ZMYM2: variants seen among roughly 807,000 people sequenced by gnomAD.
ZMYM2 encodes the protein zinc finger MYM-type protein 2.
A neutral mutation model predicts 162.8 loss-of-function variants in ZMYM2; 56 were observed. The observed-to-expected ratio is 0.34, with a 90% CI of 0.28 to 0.43. The LOEUF (loss-of-function observed/expected upper bound fraction) is 0.43. Among genes scored for constraint, ZMYM2 ranks in the 20% least tolerant of loss-of-function variants. The pLI is 1.00. For synonymous variants in ZMYM2, 510 were observed against 541.6 expected (o/e 0.94, Z 0.81); for missense variants, 1,275 against 1,621.8 (o/e 0.79, Z 3.67).
the ZMYM2 span, among the ~76,000 whole-genome samples, chr13:19,883,567 TAAC>T: frequency 3.9e-5 from 6 of 152,200 alleles, no homozygotes; most frequent in South Asian, 2.1e-4. Context: ...TGGGCATTCT[TAAC>T]AAATTCTAAG....
intron 2 of ZMYM2, among the ~76,000 whole-genome samples, chr13:19,971,360 T>C (rs1956324216): frequency 7.1e-6 from 1 of 140,982 alleles, no homozygotes; most frequent in African/African-American, 2.7e-5. Context: ...CACCTCTGCC[T>C]CCGGGGTTGA....
intron 19 of ZMYM2, among the ~76,000 whole-genome samples, chr13:20,065,995 CTT>C (rs1439902964): frequency 1.2e-4 from 19 of 152,256 alleles, no homozygotes; most frequent in South Asian, 6.2e-4. Flanking sequence ...AGTTTATTGT[CTT>C]ATATTTATTT....
In ZMYM2 at chr13:19,970,525, GA is replaced by G. The variant is rs371679690; in HGVS notation, c.-11+10500del. On this transcript the variant is annotated intron_variant, in intron 2 of 24. Transcript: ENST00000610343. The stretch of plus-strand genomic sequence containing the variant: ...AGGGAAATGGGCTTGGGGGTGAAGT[GA>G]TTGTCCTATGCACACAAGAAGAGAG... Among the ~76,000 whole-genome samples the G allele has an allele frequency of 1.2e-3, 166 of 144,116 alleles. 1 individual carries two copies. In the Middle Eastern group the frequency reaches 0.019, roughly 16 times the overall value. 94.5% of individuals were successfully genotyped at this position (144,116 alleles called of 152,430 possible).
intron 21 of ZMYM2, among the ~76,000 whole-genome samples, chr13:20,072,799 A>T (rs1957187831): frequency 6.6e-6 from 1 of 152,166 alleles, no homozygotes; most frequent in Admixed American, 6.5e-5. Flanking sequence ...GTCTTTCAAG[A>T]AATGATGCAT....
intron 23 of ZMYM2, among the ~76,000 whole-genome samples, chr13:20,083,281 C>T (rs769356877): frequency 6.6e-6 from 1 of 152,100 alleles, no homozygotes; most frequent in Non-Finnish European, 1.5e-5. Context: ...AGGCTGGTCT[C>T]GAACTCCCGA....
At chr13:19,874,811 A>G in the ZMYM2 span, among the ~76,000 whole-genome samples, 8 of 152,206 alleles carry the variant, frequency 5.3e-5, no homozygotes, top group Admixed American at 5.2e-4. Flanking sequence ...GGCTCCAAAT[A>G]AACATATGAA....
At chr13:20,032,513 A>T (rs972727535) in intron 10 of ZMYM2, among the ~76,000 whole-genome samples, 8 of 147,490 alleles carry the variant, frequency 5.4e-5, no homozygotes, top group Admixed American at 5.4e-4. Flanking sequence ...GCCAAAATTT[A>T]TTAGGAGCTG....
At chr13:19,942,668 C>CCA in the ZMYM2 span, among the ~76,000 whole-genome samples, 1 of 151,920 alleles carries the variant, frequency 6.6e-6, no homozygotes, top group African/African-American at 2.4e-5. Context: ...CATAATCCTG[C>CCA]CACTGCATCC....
At chr13:19,982,879 A>G (rs553528050) in intron 2 of ZMYM2, among the ~76,000 whole-genome samples, 2 of 152,208 alleles carry the variant, frequency 1.3e-5, no homozygotes, top group East Asian at 3.9e-4. Context: ...CCAAAATTTT[A>G]GTGCACTTGA....
chr13:20,032,302 T>C (rs1338980476), intron 10 of ZMYM2, among the ~76,000 whole-genome samples: 22 of 152,184 alleles, frequency 1.4e-4, no homozygotes, highest in Non-Finnish European at 2.2e-4. Flanking sequence ...TGATTGACTT[T>C]TATTTCATAA....
intron 6 of ZMYM2, among the ~76,000 whole-genome samples, chr13:20,012,233 T>C (rs1183885736): frequency 1.3e-5 from 2 of 151,974 alleles, no homozygotes; most frequent in Non-Finnish European, 2.9e-5. Flanking sequence ...TGGAGTGCGG[T>C]AGTGCGATCT....
chr13:19,888,599 GTTTA>G, the ZMYM2 span, among the ~76,000 whole-genome samples: 1 of 151,714 alleles, frequency 6.6e-6, no homozygotes, highest in Non-Finnish European at 1.5e-5. Context: ...TTATTTATTT[GTTTA>G]TTTATTTATT....
chr13:20,021,266 C>T (rs746018805), intron 7 of ZMYM2, among the ~76,000 whole-genome samples: 32 of 151,996 alleles, frequency 2.1e-4, no homozygotes, highest in South Asian at 8.3e-4. Flanking sequence ...TGAGCCACTG[C>T]GCCCGGCCTT....
intron 2 of ZMYM2, chr13:19,970,029 G>A: frequency 5.1e-6 from 5 of 985,298 alleles, no homozygotes; most frequent in Non-Finnish European, 6.0e-6. Flanking sequence ...CTTTAGGTTA[G>A]ATGAGGTCTT....
the ZMYM2 span, among the ~76,000 whole-genome samples, chr13:19,902,164 C>T: frequency 3.9e-5 from 6 of 152,158 alleles, no homozygotes; most frequent in African/African-American, 1.2e-4. Flanking sequence ...GACTCCATGA[C>T]TCCACCTATC....
At chr13:20,027,980 T>A (rs1246513827) in intron 9 of ZMYM2, 1 of 178,056 alleles carries the variant, frequency 5.6e-6, no homozygotes, top group Non-Finnish European at 1.2e-5. Context: ...GTGTGAAAAT[T>A]TCAGGGTATT....
At chr13:19,900,892 C>T in the ZMYM2 span, among the ~76,000 whole-genome samples, 2 of 151,968 alleles carry the variant, frequency 1.3e-5, no homozygotes, top group Non-Finnish European at 2.9e-5. Context: ...AATTGTCAGG[C>T]GTGGTGGCGG....
chr13:20,083,613 T>G, intron 23 of ZMYM2, 43 bp from the exon 24 acceptor site: 1 of 1,406,658 alleles, frequency 7.1e-7, no homozygotes, highest in African/African-American at 1.4e-5. Flanking sequence ...ATATCTTTCT[T>G]CAAGATTAGT....
intron 14 of ZMYM2, among the ~76,000 whole-genome samples, chr13:20,055,643 C>T (rs1955734922): frequency 6.6e-6 from 1 of 151,894 alleles, no homozygotes; most frequent in African/African-American, 2.4e-5. Flanking sequence ...GGTGTAAGTT[C>T]AGTATTAATG....
Sources: gnomAD v4.1 joint callset for allele counts (sites outside exome capture counted in the v4.1 genomes callset) on GRCh38, gnomAD v4.1.1 for gene constraint, MANE v1.5 for transcripts, NCBI Gene and HGNC (gene_info 2026-07-23, HGNC 2026-07-21) for gene names.